The following ZFR2 variants were observed in gnomAD, a reference collection of about 807,000 sequenced individuals.
ZFR2 encodes zinc finger RNA binding protein 2.
A neutral mutation model predicts 105.7 loss-of-function variants in ZFR2; 104 were observed. The observed-to-expected ratio is 0.98, with a 90% CI of 0.84 to 1.16. The LOEUF (loss-of-function observed/expected upper bound fraction) is 1.16. ZFR2 is among the 50% of genes most tolerant of loss of function. The pLI is 0.00. For missense variants in ZFR2, 1,425 were observed against 1,355.5 expected (o/e 1.05, Z -0.80); for synonymous variants, 634 against 597.7 (o/e 1.06, Z -0.89).
chr19:3,869,011 T>C lies in ZFR2; in HGVS notation c.7A>G (p.Thr3Ala), dbSNP rs1325024851. Residue 3 changes from threonine (T) to alanine (A), a missense_variant, in exon 1 of 19, where the codon ACG (threonine) becomes GCG (alanine). Transcript: ENST00000262961. ...TGCGCGAAGTCGAAATACTGACTCG[T>C]CGCCATCTTGGCGTCTTCCCCGAGC... MA[T>A]SQYFDFAQGG... 1.5e-6 allele frequency: 2 copies of C among 1,370,136 alleles called. No homozygotes were observed. The highest frequency in any genetic ancestry group is 1.9e-6 in the Non-Finnish European group (2 of 1,051,238). The allele number at this position is 1,370,136 out of a possible 1,614,324, so 84.9% of individuals were successfully genotyped here.
intron 1 of ZFR2, among the ~76,000 whole-genome samples, chr19:3,868,315 C>T (rs749787322): frequency 1.3e-5 from 2 of 150,164 alleles, no homozygotes; most frequent in Non-Finnish European, 3.0e-5. Flanking sequence ...GGGTCAGCTA[C>T]CCTCTGTCCA....
At chr19:3,821,885 A>G (rs2037897629) in intron 9 of ZFR2, among the ~76,000 whole-genome samples, 196 bp downstream of exon 9, 1 of 152,176 alleles carries the variant, frequency 6.6e-6, no homozygotes, top group Non-Finnish European at 1.5e-5. Flanking sequence ...CTGGGATGAT[A>G]GACGTGAGAC....
At chr19:3,863,924 G>T (rs1216524863) in intron 1 of ZFR2, among the ~76,000 whole-genome samples, 1 of 152,128 alleles carries the variant, frequency 6.6e-6, no homozygotes, top group African/African-American at 2.4e-5. Context: ...CAAGGATCAC[G>T]TGAGGGCTCA....
intron 1 of ZFR2, among the ~76,000 whole-genome samples, chr19:3,863,565 C>G (rs7248962): frequency 0.14 from 21,137 of 152,176 alleles, 1,788 homozygotes; most frequent in East Asian, 0.27. Context: ...AGTGCTGGGA[C>G]TGCAGGTGTG....
At chr19:3,810,981 C>CA (rs2037757450) in intron 15 of ZFR2, 136 bp from the exon 16 acceptor site, 12 of 990,040 alleles carry the variant, frequency 1.2e-5, no homozygotes, top group Admixed American at 1.0e-4. Flanking sequence ...CGGGTGGAAA[C>CA]AGAGTCCACT....
At position 3,834,777 on chromosome 19, in the gene ZFR2, T is replaced by G. The variant is rs751777670; in HGVS notation, c.260A>C (p.Tyr87Ser). The G allele has an allele frequency of 2.5e-6, 4 of 1,611,560 alleles. No homozygotes were observed. The Admixed American group carries it at 6.7e-5, about 27-fold the overall frequency. The change falls in exon 2 of 19, where the codon TAC (tyrosine) becomes TCC (serine). Residue 87 changes from tyrosine (Y) to serine (S), a missense_variant. By Grantham distance (144) the Tyr-to-Ser change is moderately radical (BLOSUM62 -2). Coordinates refer to ENST00000262961, the MANE Select transcript of ZFR2 (RefSeq NM_015174.2). The surrounding 1 kb of genome is among the most constrained non-coding windows in gnomAD (Gnocchi z 5.3). The part of the protein sequence containing the change: ...PVPTATTMAT[Y>S]QDSYSYGQSA... Reference sequence around the variant, plus strand: ...GTCAAAGAAAGGACTGGATACCTGGTAGGTAGCCATGGTGGTGGCCGTGGG... The same window carrying G: ...GTCAAAGAAAGGACTGGATACCTGGGAGGTAGCCATGGTGGTGGCCGTGGG...
chr19:3,839,076 C>T (rs560174934), intron 1 of ZFR2, among the ~76,000 whole-genome samples: 6 of 152,272 alleles, frequency 3.9e-5, no homozygotes, highest in South Asian at 2.1e-4. Flanking sequence ...GGACCGCACA[C>T]GCTCTGATCT....
chr19:3,825,876 C>T (rs1328087868), intron 6 of ZFR2, among the ~76,000 whole-genome samples: 1 of 152,156 alleles, frequency 6.6e-6, no homozygotes, highest in Non-Finnish European at 1.5e-5. Flanking sequence ...TCTGGCCGTG[C>T]CCCATTCTCA....
rs375539629 is a variant in ZFR2 at position 3,833,555 on chromosome 19, A to G, written c.379+109T>C. 1,038 of 867,482 alleles carry G rather than the reference A, an allele frequency of 1.2e-3. 9 individuals carry two copies. The East Asian group carries it at 0.012, about 10-fold the overall frequency. 53.7% of individuals were successfully genotyped at this position (867,482 alleles called of 1,614,324 possible). On this transcript the variant is annotated intron_variant, in intron 3 of 18. Coordinates refer to ENST00000262961, the MANE Select transcript of ZFR2 (RefSeq NM_015174.2). ...CGCACCACTGCACTCCAGCCTGGGCAACAGAGCGAGACTCTGTCTAAAAAA... is the reference window on the plus strand; with the variant it reads ...CGCACCACTGCACTCCAGCCTGGGCGACAGAGCGAGACTCTGTCTAAAAAA...
At chr19:3,821,257 A>G in intron 10 of ZFR2, 83 bp downstream of exon 10, 1 of 1,406,950 alleles carries the variant, frequency 7.1e-7, no homozygotes, top group Non-Finnish European at 9.3e-7. Context: ...GAGCTCCGTA[A>G]TCTGCAGCAG....
At position 3,823,711 on chromosome 19, in the gene ZFR2, C is replaced by A. The variant is rs985000514; in HGVS notation, c.1214-308G>T. 6.6e-6 allele frequency among the ~76,000 whole-genome samples: 1 copy of A among 152,158 alleles called. No individual in the cohort carries two copies. Among genetic ancestry groups the A allele is most frequent in the African/African-American group, 2.4e-5 (1 of 41,444 alleles). On this transcript the variant is annotated intron_variant, in intron 7 of 18. Coordinates refer to ENST00000262961, the MANE Select transcript of ZFR2 (RefSeq NM_015174.2). This position sits in a 1 kb window ranked among gnomAD's most constrained non-coding sequence, Gnocchi z 5.4. ...AGTTAATAGACCATGAAGTATCAGGCGGACCAAGGCTCGCACTTAACCTAC... is the reference window on the plus strand; with the variant it reads ...AGTTAATAGACCATGAAGTATCAGGAGGACCAAGGCTCGCACTTAACCTAC...
At chr19:3,832,919 C>T (rs1332092057) in intron 3 of ZFR2, among the ~76,000 whole-genome samples, 3 of 148,928 alleles carry the variant, frequency 2.0e-5, no homozygotes, top group Non-Finnish European at 3.0e-5. Flanking sequence ...GGATTACAGG[C>T]GTGAGCCACC....
chr19:3,851,488 T>C (rs942881971), intron 1 of ZFR2, among the ~76,000 whole-genome samples: 3 of 152,140 alleles, frequency 2.0e-5, no homozygotes, highest in Non-Finnish European at 4.4e-5. Context: ...ATGCACACAC[T>C]GCTGTTCCAT....
At chr19:3,845,660 T>C (rs927800279) in intron 1 of ZFR2, among the ~76,000 whole-genome samples, 120 of 147,784 alleles carry the variant, frequency 8.1e-4, no homozygotes, top group Middle Eastern at 3.6e-3. Flanking sequence ...CCAGGCGTGG[T>C]GGTGTGCACC....
intron 1 of ZFR2, chr19:3,857,037 C>G (rs1023559037): frequency 6.6e-6 from 1 of 150,708 alleles, no homozygotes; most frequent in African/African-American, 2.4e-5. Flanking sequence ...CCCAGAGTTT[C>G]CAATTTTAAG....
Position 3,858,086 on chromosome 19 carries a change from G to A in ZFR2, c.53+10879C>T, listed in dbSNP as rs769685175. Among the ~76,000 whole-genome samples the A allele has an allele frequency of 1.4e-4, 22 of 152,162 alleles. 1 individual carries two copies. ...GGTGCATCCTTCTAAACTGAATTTT[G>A]GGATGCAAAGCTAGCGAGCCCCACT... On this transcript the variant is annotated intron_variant, in intron 1 of 18. Transcript: ENST00000262961. The surrounding 1 kb of genome is among the most constrained non-coding windows in gnomAD (Gnocchi z 4.3).
Position 3,831,854 on chromosome 19 carries a change from G to A in ZFR2, c.404C>T (p.Pro135Leu). ...GTGGCTGTGACTGCCATGGGGGCTG[G>A]GCTGCCCGCAGGCTTCTTGGGTCCC... ...QPGTQEACGQPSPHGSHSHAQ... is the reference protein window; with the variant it reads ...QPGTQEACGQLSPHGSHSHAQ... The change falls in exon 4 of 19, where the codon CCC (proline) becomes CTC (leucine). Residue 135 changes from proline (P) to leucine (L), a missense_variant. Pro to Leu is a moderately conservative substitution (Grantham distance 98, BLOSUM62 -3). Coordinates refer to ENST00000262961, the MANE Select transcript of ZFR2 (RefSeq NM_015174.2). 6.3e-7 allele frequency: 1 copy of A among 1,594,112 alleles called. No individual in the cohort carries two copies. Among genetic ancestry groups the A allele is most frequent in the Non-Finnish European group, 8.5e-7 (1 of 1,173,428 alleles).
chr19:3,816,220 A>G (rs1033260974), intron 13 of ZFR2, among the ~76,000 whole-genome samples: 4 of 148,936 alleles, frequency 2.7e-5, no homozygotes, highest in Non-Finnish European at 4.4e-5. Flanking sequence ...GTTGGTTTCT[A>G]ACAGCGATGC....
In ZFR2 at chr19:3,855,253, T is replaced by C. The variant is rs2038283624; in HGVS notation, c.53+13712A>G. ...TTCTACTTTAAATCCCAACTTAGCA[T>C]GGAAAATCATTTGCATTTTCAGAAC... On this transcript the variant is annotated intron_variant, in intron 1 of 18. Transcript: ENST00000262961. 3 of 721,826 alleles carry C rather than the reference T, an allele frequency of 4.2e-6. No individual in the cohort carries two copies. The African/African-American group carries it at 5.6e-5, about 13-fold the overall frequency. The allele number at this position is 721,826 out of a possible 1,614,324, so 44.7% of individuals were successfully genotyped here.
Sources: gnomAD v4.1 joint callset for allele counts (sites outside exome capture counted in the v4.1 genomes callset) on GRCh38, gnomAD v4.1.1 for gene constraint, Gnocchi (gnomAD v3.1) non-coding constraint, MANE v1.5 for transcripts, NCBI Gene and HGNC (gene_info 2026-07-23, HGNC 2026-07-21) for gene names.